The following ADSL variants were observed in gnomAD, a reference collection of about 807,000 sequenced individuals.
The protein encoded by ADSL is adenylosuccinate lyase.
ADSL carries 44 observed loss-of-function variants against 62.1 expected under a neutral mutation model. The ratio of observed to expected loss-of-function variants is 0.71; its 90% CI spans 0.56 to 0.91. ADSL has a LOEUF of 0.91. Ranked by LOEUF, ADSL falls within the 40% of genes least tolerant of loss-of-function variation. The pLI is 0.00. For missense variants in ADSL, 531 were observed against 627.4 expected, an observed-to-expected ratio of 0.85 and a Z score of 1.64; for synonymous variants, 198 against 220.5, an observed-to-expected ratio of 0.90 and a Z score of 0.90.
At position 40,349,766 on chromosome 22, in the gene ADSL, T is replaced by C. The variant is rs974269660; in HGVS notation, c.154-66T>C. 1.5e-5 allele frequency: 21 copies of C among 1,418,652 alleles called. No homozygotes were observed. In the African/African-American group the frequency reaches 2.8e-4, roughly 19 times the overall value. 87.9% of individuals were successfully genotyped at this position (1,418,652 alleles called of 1,614,324 possible). A position where few individuals can be genotyped will look rare whatever the true frequency, so the allele number is the denominator to read the frequency against. Reference sequence around the variant, plus strand: ...CTAACATGAATCAGTTTTTTTTCCTTGGTGTCACTTCATTCAAATAACTGT... The same window carrying C: ...CTAACATGAATCAGTTTTTTTTCCTCGGTGTCACTTCATTCAAATAACTGT... On this transcript the variant is annotated intron_variant, in intron 1 of 12. Coordinates refer to ENST00000623063, the MANE Select transcript of ADSL (RefSeq NM_000026.4).
chr22:40,363,700 T>TA (rs2044882364), intron 10 of ADSL, among the ~76,000 whole-genome samples: 2 of 150,056 alleles, frequency 1.3e-5, no homozygotes, highest in Non-Finnish European at 3.0e-5. Flanking sequence ...CGTGTCATTG[T>TA]ACTCCATCCT....
At chr22:40,381,703 C>T (rs2047608905) in intron 2 of ADSL, among the ~76,000 whole-genome samples, 1 of 152,108 alleles carries the variant, frequency 6.6e-6, no homozygotes, top group Non-Finnish European at 1.5e-5. Context: ...ACCAGTAATA[C>T]CAGCACTTTG....
intron 2 of ADSL, among the ~76,000 whole-genome samples, chr22:40,352,555 G>A (rs1175608765): frequency 6.6e-6 from 1 of 152,092 alleles, no homozygotes; most frequent in African/African-American, 2.4e-5. Context: ...AAAACGGGAG[G>A]AAAGTAATGG....
chr22:40,375,882 T>A (rs1223418125), intron 2 of ADSL, among the ~76,000 whole-genome samples: 3 of 151,682 alleles, frequency 2.0e-5, no homozygotes, highest in East Asian at 1.9e-4. Flanking sequence ...TACAAAAAAA[T>A]TTCTAAAAAT....
At chr22:40,372,113 C>A (rs981954647), downstream of ADSL, among the ~76,000 whole-genome samples, 1 of 96,184 alleles carries the variant, frequency 1.0e-5, no homozygotes, top group Admixed American at 1.2e-4. Context: ...TTCTCCCTGT[C>A]CCCCCCCCCT....
intron 2 of ADSL, among the ~76,000 whole-genome samples, chr22:40,377,812 C>T (rs181972158): frequency 1.1e-4 from 17 of 148,028 alleles, no homozygotes; most frequent in Admixed American, 4.8e-4. Flanking sequence ...TGCCACTGTA[C>T]GCCAGCCTGG....
chr22:40,360,334 TAC>T (rs1317268930), intron 6 of ADSL, 66 bp from the exon 7 acceptor site: 1 of 1,349,610 alleles, frequency 7.4e-7, no homozygotes, highest in East Asian at 2.3e-5. Context: ...TAGCTGGGAC[TAC>T]AGTCATGCAC....
At chr22:40,348,510 A>C (rs923958997) in intron 1 of ADSL, 1 of 398,524 alleles carries the variant, frequency 2.5e-6, no homozygotes. Context: ...CAGCCTCCCA[A>C]GCTGGAACTA....
chr22:40,348,677 C>T (rs996267506), intron 1 of ADSL: 2 of 398,348 alleles, frequency 5.0e-6, no homozygotes, highest in Non-Finnish European at 4.4e-6. Flanking sequence ...TGACTTTTTA[C>T]TTATAAATAT....
chr22:40,351,105 C>A (rs2044328184), intron 2 of ADSL, among the ~76,000 whole-genome samples: 1 of 152,130 alleles, frequency 6.6e-6, no homozygotes, highest in Non-Finnish European at 1.5e-5. Flanking sequence ...AGTGATTCTC[C>A]CACCTCGGGC....
Position 40,354,225 on chromosome 22 carries a change from C to G in ADSL, c.403-23C>G, listed in dbSNP as rs1035568170. The stretch of plus-strand genomic sequence containing the variant: ...AACACAACCTGAATTCAACCTCTTT[C>G]TATCACATGATCTTTCTTGTAGCTT... On this transcript the variant is annotated intron_variant, in intron 3 of 12. Coordinates refer to ENST00000623063, the MANE Select transcript of ADSL (RefSeq NM_000026.4). 3.1e-6 allele frequency: 5 copies of G among 1,609,244 alleles called. No homozygotes were observed. The African/African-American group carries it at 6.7e-5, about 21-fold the overall frequency.
intron 2 of ADSL, among the ~76,000 whole-genome samples, chr22:40,376,680 A>G (rs2046672914): frequency 6.6e-6 from 1 of 151,686 alleles, no homozygotes; most frequent in African/African-American, 2.4e-5. Context: ...AGGTGAGACA[A>G]CAGTGACAGA....
chr22:40,381,738 T>C (rs1031268736), intron 2 of ADSL, among the ~76,000 whole-genome samples: 8 of 152,142 alleles, frequency 5.3e-5, no homozygotes, highest in Non-Finnish European at 1.2e-4. Flanking sequence ...GAGGATTCCT[T>C]GAGGCCAAGA....
rs773289988 is a variant in ADSL, at chr22:40,364,330, A to G, written c.1156A>G (p.Ile386Val). ...ELPFMATENI[I>V]MAMVKAGGSR... ...GCCTTTCATGGCCACAGAGAACATC[A>G]TCATGGCCATGGTCAAAGCTGGAGG... The change falls in exon 11 of 13, where the codon ATC becomes GTC. Residue 386 changes from isoleucine (I) to valine (V), a missense_variant. By Grantham distance (29) the Ile-to-Val change is conservative. Transcript: ENST00000623063. 1 of 1,614,082 alleles carries G rather than the reference A, an allele frequency of 6.2e-7. No individual in the cohort carries two copies. The highest frequency in any genetic ancestry group is 8.5e-7 in the Non-Finnish European group (1 of 1,180,010).
intron 4 of ADSL, among the ~76,000 whole-genome samples, chr22:40,357,630 G>A (rs2146649657): frequency 6.6e-6 from 1 of 152,288 alleles, no homozygotes; most frequent in East Asian, 1.9e-4. Flanking sequence ...TTGTGTAGCT[G>A]TTCTCCATAG....
At chr22:40,374,829 C>T (rs2046284088) in intron 2 of ADSL, among the ~76,000 whole-genome samples, 1 of 152,146 alleles carries the variant, frequency 6.6e-6, no homozygotes, top group Non-Finnish European at 1.5e-5. Flanking sequence ...AAGTTGCAGC[C>T]AGCCATGTTT....
chr22:40,364,253 A>G, intron 10 of ADSL, 23 bp from the exon 11 acceptor site: 1 of 1,610,430 alleles, frequency 6.2e-7, no homozygotes, highest in Non-Finnish European at 8.5e-7. Flanking sequence ...TTTCTTGGTC[A>G]TTCACCGTAT....
intron 2 of ADSL, chr22:40,387,364 G>A (rs530240604): frequency 3.3e-5 from 13 of 392,386 alleles, no homozygotes; most frequent in Admixed American, 2.2e-4. Context: ...AAACATTTCC[G>A]GTAATTATAT....
downstream of ADSL, chr22:40,372,885 T>G (rs1180360651): frequency 3.3e-5 from 5 of 152,244 alleles, no homozygotes; most frequent in African/African-American, 7.2e-5. Context: ...ACTCTCCAGA[T>G]AGCCTGTTAT....
Sources: gnomAD v4.1 joint callset for allele counts (sites outside exome capture counted in the v4.1 genomes callset) on GRCh38, gnomAD v4.1.1 for gene constraint, MANE v1.5 for transcripts, NCBI Gene and HGNC (gene_info 2026-07-23, HGNC 2026-07-21) for gene names.